RASGRF2: variants seen among roughly 807,000 people sequenced by gnomAD.
RASGRF2 encodes the protein Ras protein specific guanine nucleotide releasing factor 2.
Under a neutral mutation model 151.0 loss-of-function variants are expected in RASGRF2, and 76 were observed. The ratio of observed to expected loss-of-function variants is 0.50; its 90% CI spans 0.42 to 0.61. The LOEUF (loss-of-function observed/expected upper bound fraction) is 0.61, where lower values mean the gene tolerates loss of function less well. Among genes scored for constraint, RASGRF2 ranks in the 20% least tolerant of loss-of-function variants. The probability of loss-of-function intolerance (pLI) is 0.00; values close to 1 mark genes in which losing one functional copy is unlikely to be tolerated. For synonymous variants in RASGRF2, 504 were observed against 566.5 expected (o/e 0.89, Z 1.57); for missense variants, 1,148 against 1,564.6 (o/e 0.73, Z 4.49).
At chr5:81,037,733 T>C (rs1325276062) in intron 1 of RASGRF2, among the ~76,000 whole-genome samples, 1 of 152,208 alleles carries the variant, frequency 6.6e-6, no homozygotes. Flanking sequence ...TTTATTGTGC[T>C]CTCGGAACAT....
chr5:81,111,127 G>T (rs1752981244), intron 13 of RASGRF2, among the ~76,000 whole-genome samples: 1 of 152,188 alleles, frequency 6.6e-6, no homozygotes, highest in Admixed American at 6.5e-5. Flanking sequence ...CGCTGAAAGG[G>T]CTAATTAAAG....
intron 9 of RASGRF2, 34 bp downstream of exon 9, chr5:81,086,987 G>T (rs7733625): frequency 0.27 from 421,619 of 1,540,198 alleles, 59,238 homozygotes; most frequent in Middle Eastern, 0.42. Flanking sequence ...GCGACCTGAT[G>T]CGCTGTGCGG....
At chr5:81,125,532 CA>C (rs1180922630) in intron 16 of RASGRF2, among the ~76,000 whole-genome samples, 1 of 152,198 alleles carries the variant, frequency 6.6e-6, no homozygotes, top group Non-Finnish European at 1.5e-5. Flanking sequence ...GAGCTTTGGT[CA>C]GTCCAGGTCT....
At chr5:81,063,373 A>G (rs1751500937) in intron 2 of RASGRF2, among the ~76,000 whole-genome samples, 1 of 151,916 alleles carries the variant, frequency 6.6e-6, no homozygotes, top group African/African-American at 2.4e-5. Flanking sequence ...CAGCCTCCCA[A>G]GTAGCTGTGA....
chr5:80,990,404 A>G (rs904895142), intron 1 of RASGRF2, among the ~76,000 whole-genome samples: 2 of 152,054 alleles, frequency 1.3e-5, no homozygotes, highest in African/African-American at 4.8e-5. Context: ...AATTTTCCAA[A>G]TACTCTTGTC....
chr5:80,980,800 G>C (rs941154892), intron 1 of RASGRF2, among the ~76,000 whole-genome samples: 6 of 152,096 alleles, frequency 3.9e-5, no homozygotes, highest in Admixed American at 3.9e-4. Context: ...ATTATTTGGG[G>C]GTCTTAGAAG....
chr5:81,115,802 A>G lies in RASGRF2; in HGVS notation c.2470+1882A>G, dbSNP rs75220665. On this transcript the variant is annotated intron_variant, in intron 15 of 26. Coordinates refer to ENST00000265080, the MANE Select transcript of RASGRF2 (RefSeq NM_006909.3). The stretch of plus-strand genomic sequence containing the variant: ...TGTGTGTGCTAGAGTCCACAATGGT[A>G]AATAGCACCTTCACTGTCATACTCT... 8.9e-3 allele frequency among the ~76,000 whole-genome samples: 1,355 copies of G among 152,240 alleles called. 8 individuals are homozygous for G. Among genetic ancestry groups the G allele is most frequent in the Middle Eastern group, 0.068 (20 of 294 alleles).
intron 1 of RASGRF2, among the ~76,000 whole-genome samples, chr5:80,981,911 A>G (rs940170340): frequency 5.3e-5 from 8 of 152,210 alleles, no homozygotes; most frequent in Non-Finnish European, 1.2e-4. Flanking sequence ...GTTTCAATGG[A>G]AAAATTACAG....
chr5:81,109,133 A>G (rs530523071), intron 13 of RASGRF2, 55 bp downstream of exon 13: 13 of 1,571,860 alleles, frequency 8.3e-6, no homozygotes, highest in South Asian at 1.1e-5. Flanking sequence ...TTGGCGGAAC[A>G]TGTAAAACCT....
chr5:81,211,975 G>C (rs1441852177), intron 22 of RASGRF2, among the ~76,000 whole-genome samples: 1 of 152,128 alleles, frequency 6.6e-6, no homozygotes, highest in African/African-American at 2.4e-5. Flanking sequence ...ACACTGTTGG[G>C]GGCCAAGGAG....
Position 81,206,896 on chromosome 5 carries a change from A to C in RASGRF2, c.2958A>C (p.Ile986=). ...QDDIHLKLED[I]IQMTDCMKAE... The stretch of plus-strand genomic sequence containing the variant: ...ACATCCACCTAAAATTAGAGGATAT[A>C]ATTCAAATGGTAAGTCTGACCACAT... The change falls in exon 20 of 27, where the codon ATA becomes ATC. Residue 986 remains isoleucine, a synonymous_variant. Coordinates refer to ENST00000265080, the MANE Select transcript of RASGRF2 (RefSeq NM_006909.3). 1 of 1,607,662 alleles carries C rather than the reference A, an allele frequency of 6.2e-7. No individual in the cohort carries two copies. Among genetic ancestry groups the C allele is most frequent in the South Asian group, 1.1e-5 (1 of 90,944 alleles).
chr5:81,178,483 C>T lies in RASGRF2; in HGVS notation c.2687-1692C>T, dbSNP rs1012446744. 3.9e-5 allele frequency among the ~76,000 whole-genome samples: 6 copies of T among 152,172 alleles called. No individual in the cohort carries two copies. In the East Asian group the frequency reaches 5.8e-4, roughly 15 times the overall value. ...AATAGAAAGAGACAATTGGATATTGCGTATATGGATCTGGAACTCAGAGAA... is the reference window on the plus strand; with the variant it reads ...AATAGAAAGAGACAATTGGATATTGTGTATATGGATCTGGAACTCAGAGAA... On this transcript the variant is annotated intron_variant, in intron 17 of 26. Coordinates refer to ENST00000265080, the MANE Select transcript of RASGRF2 (RefSeq NM_006909.3).
At chr5:81,136,540 A>G (rs1356951814) in intron 17 of RASGRF2, among the ~76,000 whole-genome samples, 2 of 152,106 alleles carry the variant, frequency 1.3e-5, no homozygotes, top group Non-Finnish European at 2.9e-5. Flanking sequence ...TGTTTATTTC[A>G]AGAACTTCTC....
intron 1 of RASGRF2, among the ~76,000 whole-genome samples, chr5:81,041,375 A>G (rs1348254046): frequency 1.3e-5 from 2 of 152,096 alleles, no homozygotes; most frequent in African/African-American, 4.8e-5. Flanking sequence ...ATTCGTGAAT[A>G]TTGTCAAAGG....
chr5:81,045,295 G>A (rs1184287058), intron 2 of RASGRF2, among the ~76,000 whole-genome samples: 3 of 152,130 alleles, frequency 2.0e-5, no homozygotes, highest in Non-Finnish European at 4.4e-5. Context: ...AGGAGAGCAG[G>A]CACCATCAGT....
intron 17 of RASGRF2, among the ~76,000 whole-genome samples, chr5:81,158,329 T>C (rs1399601368): frequency 3.3e-5 from 5 of 152,142 alleles, no homozygotes; most frequent in Admixed American, 6.5e-5. Flanking sequence ...ATCCTAAATG[T>C]TAAGAGCCAA....
intron 17 of RASGRF2, among the ~76,000 whole-genome samples, chr5:81,128,599 A>T (rs1753533422): frequency 6.6e-6 from 1 of 152,102 alleles, no homozygotes; most frequent in African/African-American, 2.4e-5. Context: ...TGCTAAAAGC[A>T]TATGCAAGGT....
At position 81,229,439 on chromosome 5, in the gene RASGRF2, TA is replaced by T. The variant is rs891039039; in HGVS notation, c.*3671del. On this transcript the variant is annotated 3_prime_UTR_variant, in exon 27 of 27. Transcript: ENST00000265080. The stretch of plus-strand genomic sequence containing the variant: ...ATAGAAGACTTAAGTCAATGAAATC[TA>T]ATCAGTGTGTCATTTCTCAGCGGCC... 1.1e-4 allele frequency: 16 copies of T among 152,214 alleles called. No individual in the cohort carries two copies. Among genetic ancestry groups the T allele is most frequent in the Admixed American group, 7.9e-4 (12 of 15,280 alleles). 9.4% of individuals were successfully genotyped at this position (152,214 alleles called of 1,614,324 possible).
At chr5:80,983,753 G>A (rs576142695) in intron 1 of RASGRF2, among the ~76,000 whole-genome samples, 115 of 152,238 alleles carry the variant, frequency 7.6e-4, no homozygotes, top group Admixed American at 1.6e-3. Context: ...GCTGGAATTC[G>A]AAGGCTTGGT....
Sources: allele counts gnomAD v4.1 joint callset (sites outside exome capture counted in the v4.1 genomes callset), GRCh38; gene constraint gnomAD v4.1.1; transcripts MANE v1.5; gene names NCBI Gene and HGNC (gene_info 2026-07-23, HGNC 2026-07-21).